ATRNL1: variants seen among roughly 807,000 people sequenced by gnomAD.
ATRNL1 encodes the protein attractin-like protein 1.
In ATRNL1, 95 loss-of-function variants were observed where a neutral mutation model predicts 182.7. The observed-to-expected ratio is 0.52, with a 90% CI of 0.44 to 0.62. The LOEUF is 0.62. ATRNL1 is among the 20% of genes least tolerant of loss of function. The pLI, the probability that ATRNL1 is intolerant of heterozygous loss-of-function variation, is 0.00. For synonymous variants in ATRNL1, 576 were observed against 568.3 expected (o/e 1.01, Z -0.19); for missense variants, 1,471 against 1,679.5 (o/e 0.88, Z 2.17).
intron 25 of ATRNL1, among the ~76,000 whole-genome samples, chr10:115,540,051 C>T (rs1014216248): frequency 1.3e-5 from 2 of 151,678 alleles, no homozygotes; most frequent in African/African-American, 2.4e-5. Context: ...ATGAGTGCAG[C>T]ACACCAACAT....
At chr10:115,150,642 C>G (rs1415989637) in intron 5 of ATRNL1, among the ~76,000 whole-genome samples, 2 of 151,870 alleles carry the variant, frequency 1.3e-5, no homozygotes, top group Admixed American at 1.3e-4. Context: ...GTACAGTTTC[C>G]AAAGTTCCTC....
At chr10:115,458,401 C>T (rs2134515498) in intron 21 of ATRNL1, among the ~76,000 whole-genome samples, 1 of 152,192 alleles carries the variant, frequency 6.6e-6, no homozygotes. Context: ...CACATTCATT[C>T]ATTGGTATTC....
chr10:115,115,924 T>C (rs1452475773), intron 1 of ATRNL1, among the ~76,000 whole-genome samples: 10 of 152,122 alleles, frequency 6.6e-5, no homozygotes, highest in African/African-American at 2.4e-4. Context: ...TGGCCAACCT[T>C]GTGTTATAAA....
chr10:115,906,405 A>C (rs555009638), intron 28 of ATRNL1, among the ~76,000 whole-genome samples: 185 of 152,168 alleles, frequency 1.2e-3, no homozygotes, highest in Non-Finnish European at 2.4e-3. Flanking sequence ...TATACCTCAA[A>C]ATTTGTTTCA....
chr10:115,774,821 T>A (rs537234061), intron 27 of ATRNL1, among the ~76,000 whole-genome samples: 1 of 152,224 alleles, frequency 6.6e-6, no homozygotes, highest in Admixed American at 6.5e-5. Flanking sequence ...CTTATAACAC[T>A]TCTTGCTAAC....
intron 27 of ATRNL1, among the ~76,000 whole-genome samples, chr10:115,773,234 C>A (rs1326504179): frequency 6.6e-6 from 1 of 152,148 alleles, no homozygotes; most frequent in South Asian, 2.1e-4. Context: ...CAAAAAATTT[C>A]TCCTAAATGT....
intron 5 of ATRNL1, among the ~76,000 whole-genome samples, chr10:115,151,416 A>C (rs1184887664): frequency 1.2e-4 from 18 of 152,160 alleles, no homozygotes; most frequent in African/African-American, 2.9e-4. Flanking sequence ...TCGCCATTCT[A>C]ACTGGTGTGA....
chr10:115,365,105 C>A (rs1438258726), intron 19 of ATRNL1, among the ~76,000 whole-genome samples: 3 of 150,666 alleles, frequency 2.0e-5, no homozygotes, highest in Non-Finnish European at 4.5e-5. Flanking sequence ...GTACCAGTTC[C>A]TCCTTGTACC....
chr10:115,325,667 GT>G (rs1554932952), intron 18 of ATRNL1, among the ~76,000 whole-genome samples: 1 of 151,994 alleles, frequency 6.6e-6, no homozygotes. Context: ...ACTAACCTTT[GT>G]TTTCAGAATT....
intron 27 of ATRNL1, among the ~76,000 whole-genome samples, chr10:115,786,663 A>G (rs1949404143): frequency 6.6e-6 from 1 of 152,186 alleles, no homozygotes; most frequent in Non-Finnish European, 1.5e-5. Flanking sequence ...GTGAGGTCAC[A>G]TTCTGAGATT....
intron 26 of ATRNL1, among the ~76,000 whole-genome samples, chr10:115,561,704 G>GGGTGTGTGT (rs1554999765): frequency 1.4e-5 from 2 of 145,030 alleles, no homozygotes; most frequent in East Asian, 2.0e-4. Context: ...TGTGTGTGTG[G>GGGTGTGTGT]GTGTGTGTGT....
chr10:115,430,658 T>C (rs1410990923), intron 21 of ATRNL1, among the ~76,000 whole-genome samples: 1 of 152,134 alleles, frequency 6.6e-6, no homozygotes, highest in African/African-American at 2.4e-5. Context: ...CCTCCTCCAA[T>C]CCACAAAACA....
intron 26 of ATRNL1, among the ~76,000 whole-genome samples, chr10:115,662,684 TAC>T (rs1383658183): frequency 6.6e-6 from 1 of 152,144 alleles, no homozygotes; most frequent in Non-Finnish European, 1.5e-5. Flanking sequence ...AATTTCAAAA[TAC>T]ATTTTAAAAA....
intron 9 of ATRNL1, among the ~76,000 whole-genome samples, chr10:115,233,808 T>A (rs1050667478): frequency 2.0e-5 from 3 of 152,096 alleles, no homozygotes; most frequent in Non-Finnish European, 4.4e-5. Flanking sequence ...TTATTTTAAT[T>A]TACTTTATTA....
At chr10:115,203,068 C>T (rs555583157) in intron 8 of ATRNL1, among the ~76,000 whole-genome samples, 6 of 152,074 alleles carry the variant, frequency 3.9e-5, no homozygotes, top group Middle Eastern at 3.4e-3. Context: ...TCTGTGGGAT[C>T]GTTTATTGGA....
chr10:115,560,688 C>T (rs1853650526), intron 26 of ATRNL1, among the ~76,000 whole-genome samples: 1 of 148,536 alleles, frequency 6.7e-6, no homozygotes, highest in Non-Finnish European at 1.5e-5. Context: ...CAGGGAGAGG[C>T]AAAGGGCCCT....
chr10:115,108,316 C>G (rs1379093931), intron 1 of ATRNL1, among the ~76,000 whole-genome samples: 1 of 152,186 alleles, frequency 6.6e-6, no homozygotes, highest in Non-Finnish European at 1.5e-5. Context: ...TGGGGTTCAT[C>G]ATCATGCACC....
chr10:115,770,412 A>T (rs1476954727), intron 27 of ATRNL1, among the ~76,000 whole-genome samples: 1 of 152,180 alleles, frequency 6.6e-6, no homozygotes, highest in African/African-American at 2.4e-5. Context: ...TGTATACTCA[A>T]TATTTTCTAA....
At chr10:115,139,535 C>T (rs1215092386) in intron 5 of ATRNL1, among the ~76,000 whole-genome samples, 1 of 152,138 alleles carries the variant, frequency 6.6e-6, no homozygotes, top group Non-Finnish European at 1.5e-5. Flanking sequence ...TTTTTACAAC[C>T]ATCAGATCTT....
Sources: gnomAD v4.1 joint callset for allele counts (sites outside exome capture counted in the v4.1 genomes callset) on GRCh38, gnomAD v4.1.1 for gene constraint, MANE v1.5 for transcripts, NCBI Gene and HGNC (gene_info 2026-07-23, HGNC 2026-07-21) for gene names.